Variants in CADM1 observed in about 807,000 individuals in gnomAD.
The protein encoded by CADM1 is TSLC-1.
CADM1 carries 15 observed loss-of-function variants against 53.1 expected under a neutral mutation model. That is an observed-to-expected ratio of 0.28 (90% CI 0.19 to 0.44). CADM1 has a LOEUF of 0.44. CADM1 is among the 20% of genes least tolerant of loss of function. CADM1 has a pLI of 1.00. For missense variants in CADM1, 434 were observed against 611.3 expected, an observed-to-expected ratio of 0.71 and a Z score of 3.06; for synonymous variants, 281 against 243.0, an observed-to-expected ratio of 1.16 and a Z score of -1.45.
chr11:115,327,343 T>A (rs944765946), intron 1 of CADM1, among the ~76,000 whole-genome samples: 1 of 152,098 alleles, frequency 6.6e-6, no homozygotes, highest in African/African-American at 2.4e-5. Flanking sequence ...AGATAAAACC[T>A]CCTGCAAGGC....
intron 1 of CADM1, among the ~76,000 whole-genome samples, chr11:115,442,256 A>G (rs1247808684): frequency 6.6e-6 from 1 of 151,998 alleles, no homozygotes; most frequent in East Asian, 1.9e-4. Flanking sequence ...ATCATAATAT[A>G]TGAAAAAGCA....
At chr11:115,418,072 T>G (rs1209770903) in intron 1 of CADM1, among the ~76,000 whole-genome samples, 1 of 152,186 alleles carries the variant, frequency 6.6e-6, no homozygotes, top group South Asian at 2.1e-4. Flanking sequence ...AAGAAAAATT[T>G]TGCTCTCCTT....
At chr11:115,389,294 AAAC>A (rs761025579) in intron 1 of CADM1, among the ~76,000 whole-genome samples, 6 of 152,320 alleles carry the variant, frequency 3.9e-5, no homozygotes, top group African/African-American at 1.4e-4. Flanking sequence ...TAAAAAATGT[AAAC>A]AACAACAACA....
intron 8 of CADM1, 149 bp from the exon 9 acceptor site, chr11:115,198,587 A>G: frequency 1.5e-6 from 1 of 676,394 alleles, no homozygotes; most frequent in South Asian, 1.6e-5. Flanking sequence ...ATGAAAAGCA[A>G]AAAGCATTTG....
At chr11:115,345,451 C>A (rs934339590) in intron 1 of CADM1, among the ~76,000 whole-genome samples, 2 of 152,136 alleles carry the variant, frequency 1.3e-5, no homozygotes, top group Non-Finnish European at 2.9e-5. Context: ...AAGCTGAAGT[C>A]CTGTAAGTTT....
intron 1 of CADM1, among the ~76,000 whole-genome samples, chr11:115,327,638 G>A (rs17118273): frequency 0.011 from 1,632 of 152,106 alleles, 26 homozygotes; most frequent in African/African-American, 0.037. Flanking sequence ...CCAACTTCAT[G>A]ACTAGAAGGC....
intron 1 of CADM1, among the ~76,000 whole-genome samples, chr11:115,460,286 T>C (rs981724090): frequency 6.6e-6 from 1 of 152,114 alleles, no homozygotes; most frequent in Non-Finnish European, 1.5e-5. Context: ...CCTTTGGCCA[T>C]GGGTATTGGT....
At position 115,172,740 on chromosome 11, in the gene CADM1, TTTTTTTTTTTTTTTTTTTA is replaced by T. The variant is rs1357083808; in HGVS notation, c.*3715_*3733del. 3 of 67,434 alleles carry T rather than the reference TTTTTTTTTTTTTTTTTTTA, an allele frequency of 4.4e-5. No individual in the cohort carries two copies. The highest frequency in any genetic ancestry group is 1.4e-4 in the African/African-American group (2 of 14,668). The allele number at this position is 67,434 out of a possible 1,614,324, so 4.2% of individuals were successfully genotyped here. A position where few individuals can be genotyped will look rare whatever the true frequency, so the allele number is the denominator to read the frequency against. Reference sequence around the variant, plus strand: ...TGCATATCTGATTTTTTTTTTTTTTTTTTTTTTTTTTTTTTTTTAACAGAGACAGGTAAGAGACCAGGCC... The same window carrying T: ...TGCATATCTGATTTTTTTTTTTTTTTACAGAGACAGGTAAGAGACCAGGCC... On this transcript the variant is annotated 3_prime_UTR_variant, in exon 12 of 12. Transcript: ENST00000331581.
In CADM1 at chr11:115,224,738, T is replaced by C. The variant is rs1052262855; in HGVS notation, c.721+4375A>G. Among the ~76,000 whole-genome samples the C allele has an allele frequency of 2.6e-5, 4 of 152,212 alleles. No homozygotes were observed. In the East Asian group the frequency reaches 7.7e-4, roughly 29 times the overall value. The stretch of plus-strand genomic sequence containing the variant: ...TGAATTCCCAGCTTATGTCGCTATG[T>C]GTTGCCACCTTGATGCTATTTAGAC... On this transcript the variant is annotated intron_variant, in intron 5 of 11. Coordinates refer to ENST00000331581, the MANE Select transcript of CADM1 (RefSeq NM_001301043.2).
At chr11:115,186,654 C>T (rs1396319227) in intron 10 of CADM1, among the ~76,000 whole-genome samples, 2 of 152,132 alleles carry the variant, frequency 1.3e-5, no homozygotes, top group Admixed American at 1.3e-4. Context: ...AGACCAAGAG[C>T]CCTTCCTTAA....
intron 1 of CADM1, among the ~76,000 whole-genome samples, chr11:115,398,930 C>T (rs1459440681): frequency 1.3e-5 from 2 of 152,108 alleles, no homozygotes; most frequent in Non-Finnish European, 2.9e-5. Context: ...GAGTTAGTCT[C>T]TATTTTTATA....
chr11:115,404,346 AATATATAT>A (rs869231204), intron 1 of CADM1, among the ~76,000 whole-genome samples: 891 of 32,602 alleles, frequency 0.027, 20 homozygotes, highest in Non-Finnish European at 0.03. Flanking sequence ...AAAAAAAAAA[AATATATAT>A]ATATATATAT....
At chr11:115,185,075 G>A (rs536354472) in intron 10 of CADM1, among the ~76,000 whole-genome samples, 1 of 152,264 alleles carries the variant, frequency 6.6e-6, no homozygotes, top group East Asian at 1.9e-4. Flanking sequence ...GTACAATTAC[G>A]TACTTCACAG....
At chr11:115,313,693 C>T (rs1056118877) in intron 1 of CADM1, among the ~76,000 whole-genome samples, 1 of 152,288 alleles carries the variant, frequency 6.6e-6, no homozygotes, top group East Asian at 1.9e-4. Flanking sequence ...GCGGGGTCAG[C>T]CAGGCGACTA....
rs11215431 is a variant in CADM1, at chr11:115,228,963, A to G, written c.721+150T>C. The G allele has an allele frequency of 3.7e-3, 3,037 of 820,120 alleles. 67 individuals are homozygous for G. In the African/African-American group the frequency reaches 0.045, roughly 12 times the overall value. 50.8% of individuals were successfully genotyped at this position (820,120 alleles called of 1,614,324 possible). ...TGGCACTCTGTAATATGGCAGTACA[A>G]TATTTCAATAAAATAATCCTTTATT... is the stretch of plus-strand genomic sequence containing the variant. On this transcript the variant is annotated intron_variant, in intron 5 of 11. Coordinates refer to ENST00000331581, the MANE Select transcript of CADM1 (RefSeq NM_001301043.2).
chr11:115,389,983 A>C (rs1946794008), intron 1 of CADM1, among the ~76,000 whole-genome samples: 1 of 152,172 alleles, frequency 6.6e-6, no homozygotes, highest in Non-Finnish European at 1.5e-5. Context: ...ACTAAAACAG[A>C]GAAGTCATAG....
At chr11:115,340,658 A>ATATATATATATATTTTT (rs60532835) in intron 1 of CADM1, among the ~76,000 whole-genome samples, 1 of 34,944 alleles carries the variant, frequency 2.9e-5, no homozygotes, top group African/African-American at 1.4e-4. Context: ...ATATATATAT[A>ATATATATATATATTTTT]TTTTTTTTTT....
chr11:115,348,919 C>T (rs563342898), intron 1 of CADM1, among the ~76,000 whole-genome samples: 4 of 152,110 alleles, frequency 2.6e-5, no homozygotes, highest in Non-Finnish European at 4.4e-5. Flanking sequence ...AGACTCAGTG[C>T]ATGTATTTAT....
At chr11:115,274,671 C>A (rs1345585522) in intron 1 of CADM1, among the ~76,000 whole-genome samples, 6 of 152,188 alleles carry the variant, frequency 3.9e-5, no homozygotes, top group Admixed American at 3.9e-4. Flanking sequence ...GAAGGTAGAA[C>A]CACAGGACGA....
Sources: allele counts gnomAD v4.1 joint callset (sites outside exome capture counted in the v4.1 genomes callset), GRCh38; gene constraint gnomAD v4.1.1; transcripts MANE v1.5; gene names NCBI Gene and HGNC (gene_info 2026-07-23, HGNC 2026-07-21).